ESRRG: variants seen among roughly 807,000 people sequenced by gnomAD.
The protein encoded by ESRRG is estrogen-related receptor gamma.
ESRRG carries 13 observed loss-of-function variants against 44.0 expected under a neutral mutation model. That is an observed-to-expected ratio of 0.30 (90% CI 0.19 to 0.47). The LOEUF is 0.47. Among genes scored for constraint, ESRRG ranks in the 20% least tolerant of loss-of-function variants. The pLI, the probability that ESRRG is intolerant of heterozygous loss-of-function variation, is 1.00. For missense variants in ESRRG, 395 were observed against 580.6 expected (o/e 0.68, Z 3.29); for synonymous variants, 215 against 214.6 (o/e 1.00, Z -0.02).
At chr1:217,089,192 A>C (rs1392016296) in intron 1 of ESRRG, among the ~76,000 whole-genome samples, 1 of 152,014 alleles carries the variant, frequency 6.6e-6, no homozygotes, top group Non-Finnish European at 1.5e-5. Flanking sequence ...CAAGCACTGA[A>C]GTCTCTATCC....
chr1:216,756,387 G>C (rs369639105), intron 2 of ESRRG, among the ~76,000 whole-genome samples: 2 of 151,912 alleles, frequency 1.3e-5, no homozygotes, highest in East Asian at 3.9e-4. Context: ...TTTGGGGTGG[G>C]GGATCGAGAA....
intron 1 of ESRRG, among the ~76,000 whole-genome samples, chr1:216,990,431 C>T (rs2075510723): frequency 6.6e-6 from 1 of 151,988 alleles, no homozygotes; most frequent in African/African-American, 2.4e-5. Flanking sequence ...TGCATAGTAC[C>T]TTTTTGTATC....
intron 1 of ESRRG, among the ~76,000 whole-genome samples, chr1:216,982,297 GA>G (rs573774776): frequency 6.6e-6 from 1 of 152,060 alleles, no homozygotes; most frequent in Admixed American, 6.5e-5. Context: ...ATATTTTCTA[GA>G]AAAAAGTATT....
intron 2 of ESRRG, among the ~76,000 whole-genome samples, chr1:216,826,728 A>C (rs973055070): frequency 5.3e-5 from 8 of 152,148 alleles, no homozygotes; most frequent in African/African-American, 1.9e-4. Context: ...TTTAGGCCAT[A>C]CTACACAAAT....
intron 1 of ESRRG, among the ~76,000 whole-genome samples, chr1:217,082,185 C>G (rs1226271506): frequency 6.6e-6 from 1 of 152,194 alleles, no homozygotes; most frequent in Non-Finnish European, 1.5e-5. Flanking sequence ...AACCACAATG[C>G]TTGTTCTACA....
intron 1 of ESRRG, among the ~76,000 whole-genome samples, chr1:216,712,273 C>T (rs1348814421): frequency 2.0e-5 from 3 of 152,122 alleles, no homozygotes; most frequent in African/African-American, 7.2e-5. Flanking sequence ...CTTAGCAATG[C>T]TATATAACGG....
upstream of ESRRG, among the ~76,000 whole-genome samples, chr1:216,727,591 A>G (rs11117666): frequency 0.075 from 11,420 of 152,114 alleles, 511 homozygotes; most frequent in South Asian, 0.11. Flanking sequence ...ACTTTACACT[A>G]TATTACCACC....
intron 3 of ESRRG, among the ~76,000 whole-genome samples, chr1:216,605,204 T>C (rs2059765406): frequency 6.6e-6 from 1 of 152,214 alleles, no homozygotes; most frequent in African/African-American, 2.4e-5. Flanking sequence ...ATGAAAATAG[T>C]ACTATGGCGT....
chr1:216,515,334 CG>C lies in ESRRG; in HGVS notation c.1132+3817del, dbSNP rs548183908. Among the ~76,000 whole-genome samples, 59 of 151,882 alleles carry C rather than the reference CG, an allele frequency of 3.9e-4. 1 individual carries two copies. The South Asian group carries it at 0.012, about 30-fold the overall frequency. ...TAAATAGATGGCATTACTATTTCATCGGGGGGTTATTAGGAAAACCATATCT... is the reference window on the plus strand; with the variant it reads ...TAAATAGATGGCATTACTATTTCATCGGGGGTTATTAGGAAAACCATATCT... On this transcript the variant is annotated intron_variant, in intron 6 of 6. Transcript: ENST00000408911.
At chr1:216,570,418 C>T (rs563852461) in intron 3 of ESRRG, among the ~76,000 whole-genome samples, 2 of 152,238 alleles carry the variant, frequency 1.3e-5, no homozygotes, top group South Asian at 4.1e-4. Context: ...GTTTTTATTG[C>T]ATCTATATTT....
At chr1:216,964,758 C>A (rs1163802722) in intron 1 of ESRRG, among the ~76,000 whole-genome samples, 1 of 149,118 alleles carries the variant, frequency 6.7e-6, no homozygotes, top group Admixed American at 6.7e-5. Context: ...AAAAAAAAAA[C>A]CTCTGGCAGA....
chr1:216,901,009 A>G (rs1387045226), intron 2 of ESRRG, among the ~76,000 whole-genome samples: 3 of 152,208 alleles, frequency 2.0e-5, no homozygotes, highest in African/African-American at 7.2e-5. Flanking sequence ...GAGGAAACTA[A>G]GGCTAGACTA....
At chr1:216,938,117 T>C (rs569267021) in intron 2 of ESRRG, among the ~76,000 whole-genome samples, 2 of 152,312 alleles carry the variant, frequency 1.3e-5, no homozygotes, top group East Asian at 1.9e-4. Context: ...AAGTTGAGCA[T>C]GTAGCTATTG....
At chr1:217,040,693 T>C (rs903654448) in intron 1 of ESRRG, among the ~76,000 whole-genome samples, 26 of 152,316 alleles carry the variant, frequency 1.7e-4, no homozygotes, top group Admixed American at 5.2e-4. Flanking sequence ...TTATTTGTTT[T>C]GATTATGAGA....
At chr1:217,011,045 T>C (rs950196103) in intron 1 of ESRRG, among the ~76,000 whole-genome samples, 1 of 152,170 alleles carries the variant, frequency 6.6e-6, no homozygotes, top group Non-Finnish European at 1.5e-5. Context: ...TGCTTAGATA[T>C]ACTGACGATA....
intron 3 of ESRRG, among the ~76,000 whole-genome samples, chr1:216,575,973 T>C (rs1263762703): frequency 1.3e-5 from 2 of 152,074 alleles, no homozygotes; most frequent in Non-Finnish European, 2.9e-5. Flanking sequence ...AGCTATGAGA[T>C]TGTGAACAAA....
chr1:216,643,670 A>T (rs554349889), intron 3 of ESRRG, among the ~76,000 whole-genome samples: 1 of 152,270 alleles, frequency 6.6e-6, no homozygotes, highest in East Asian at 1.9e-4. Flanking sequence ...GTTATCCCAT[A>T]AAGACTTTTC....
intron 2 of ESRRG, among the ~76,000 whole-genome samples, chr1:216,817,060 A>T (rs945386428): frequency 9.1e-6 from 1 of 110,306 alleles, no homozygotes; most frequent in Admixed American, 9.3e-5. Context: ...AGAAAATGAT[A>T]AAAAAAAAAA....
intron 1 of ESRRG, among the ~76,000 whole-genome samples, chr1:217,072,968 C>T (rs1268620261): frequency 2.0e-5 from 3 of 151,776 alleles, no homozygotes; most frequent in Admixed American, 6.6e-5. Context: ...ATGATATCTC[C>T]CAAGGGCATG....
Sources: allele counts gnomAD v4.1 joint callset (sites outside exome capture counted in the v4.1 genomes callset), GRCh38; gene constraint gnomAD v4.1.1; transcripts MANE v1.5; gene names NCBI Gene and HGNC (gene_info 2026-07-23, HGNC 2026-07-21).